Variants in RELN observed in about 807,000 individuals in gnomAD.
RELN encodes the protein reelin.
A neutral mutation model predicts 427.6 loss-of-function variants in RELN; 108 were observed. That is an observed-to-expected ratio of 0.25 (90% CI 0.22 to 0.30). The LOEUF is 0.30. RELN is among the 10% of genes least tolerant of loss of function. The pLI is 1.00. For synonymous variants in RELN, 1,524 were observed against 1,513.4 expected, an observed-to-expected ratio of 1.01 and a Z score of -0.16; for missense variants, 3,715 against 4,302.8, an observed-to-expected ratio of 0.86 and a Z score of 3.82.
chr7:103,679,005 G>C (rs1246297805), intron 11 of RELN, among the ~76,000 whole-genome samples: 2 of 152,128 alleles, frequency 1.3e-5, no homozygotes, highest in Non-Finnish European at 2.9e-5. Context: ...GTTTTTCTTT[G>C]TCAGCTCTTA....
At chr7:103,702,041 G>A (rs1834103314) in intron 8 of RELN, among the ~76,000 whole-genome samples, 1 of 152,174 alleles carries the variant, frequency 6.6e-6, no homozygotes, top group Admixed American at 6.5e-5. Context: ...AAGCCAAACA[G>A]CAGTTTTCCT....
chr7:103,585,459 C>T (rs1337279242), intron 28 of RELN, among the ~76,000 whole-genome samples: 1 of 152,006 alleles, frequency 6.6e-6, no homozygotes, highest in Non-Finnish European at 1.5e-5. Context: ...CTAGAGAAAA[C>T]GGATAAATTC....
chr7:103,670,622 G>A (rs909734475), intron 11 of RELN, among the ~76,000 whole-genome samples: 1 of 151,960 alleles, frequency 6.6e-6, no homozygotes, highest in African/African-American at 2.4e-5. Context: ...ATTAGCATGG[G>A]GGGGAAATTT....
chr7:103,948,875 C>T (rs539399096), intron 1 of RELN, among the ~76,000 whole-genome samples: 33 of 151,534 alleles, frequency 2.2e-4, no homozygotes, highest in African/African-American at 2.4e-4. Context: ...ATTAGCCAGG[C>T]GTGGTGGTGC....
chr7:103,970,052 C>T (rs767845902), intron 1 of RELN, among the ~76,000 whole-genome samples: 11 of 152,174 alleles, frequency 7.2e-5, no homozygotes, highest in South Asian at 2.1e-4. Flanking sequence ...TCTGAGTCAC[C>T]GGATACTCAA....
chr7:103,868,329 T>C (rs1054791790), intron 2 of RELN, among the ~76,000 whole-genome samples: 1 of 152,140 alleles, frequency 6.6e-6, no homozygotes, highest in East Asian at 1.9e-4. Flanking sequence ...CCAAACTCTA[T>C]GTCTGTGTTA....
intron 1 of RELN, among the ~76,000 whole-genome samples, chr7:103,932,201 C>T (rs1486009723): frequency 6.6e-6 from 1 of 152,176 alleles, no homozygotes; most frequent in African/African-American, 2.4e-5. Context: ...GAATACTACA[C>T]AGCCATAGAA....
At chr7:103,920,569 T>G (rs577873235) in intron 1 of RELN, among the ~76,000 whole-genome samples, 4 of 91,704 alleles carry the variant, frequency 4.4e-5, no homozygotes, top group East Asian at 7.1e-4. Flanking sequence ...AGTCTTTGGT[T>G]TTTTTTTTTG....
chr7:103,652,413 G>T (rs1012201659), intron 14 of RELN, 138 bp downstream of exon 14: 2 of 704,164 alleles, frequency 2.8e-6, no homozygotes, highest in African/African-American at 1.8e-5. Flanking sequence ...TTTTCATTTG[G>T]CAAAAGTGTG....
chr7:103,596,657 C>G lies in RELN; in HGVS notation c.3338G>C (p.Gly1113Ala). Reference protein sequence around the residue: ...SGSSLYFSKAGKRQLVSWDLD... With the variant: ...SGSSLYFSKAAKRQLVSWDLD... ...GTCCCAACTCACCAGCTGTCTTTTC[C>G]CAGCCTTTCAGAAAAGAAGAAAAAT... The change falls in exon 25 of 65, where the codon GGG becomes GCG. Residue 1113 changes from glycine (G) to alanine (A), a missense_variant. By Grantham distance (60) the Gly-to-Ala change is moderately conservative. Transcript: ENST00000428762. 1 of 1,613,712 alleles carries G rather than the reference C, an allele frequency of 6.2e-7. No homozygotes were observed. Among genetic ancestry groups the G allele is most frequent in the Non-Finnish European group, 8.5e-7 (1 of 1,179,702 alleles).
intron 4 of RELN, among the ~76,000 whole-genome samples, chr7:103,773,461 C>A (rs1201433482): frequency 7.0e-6 from 1 of 142,858 alleles, no homozygotes; most frequent in Non-Finnish European, 1.5e-5. Context: ...CTCCCTCCCT[C>A]TCTCTCTCTC....
chr7:103,664,136 C>A (rs1833204795), intron 11 of RELN, among the ~76,000 whole-genome samples: 1 of 152,170 alleles, frequency 6.6e-6, no homozygotes, highest in Non-Finnish European at 1.5e-5. Flanking sequence ...GACTCTGAAG[C>A]TAGTCAAACA....
At chr7:103,673,212 T>C (rs1270901643) in intron 11 of RELN, among the ~76,000 whole-genome samples, 1 of 152,144 alleles carries the variant, frequency 6.6e-6, no homozygotes, top group African/African-American at 2.4e-5. Flanking sequence ...TTTCCTGACA[T>C]TACTGAACTG....
intron 9 of RELN, among the ~76,000 whole-genome samples, chr7:103,700,344 T>A (rs1834063837): frequency 6.6e-6 from 1 of 152,156 alleles, no homozygotes; most frequent in African/African-American, 2.4e-5. Flanking sequence ...TCCTCAAGCA[T>A]CCTACCTTAT....
chr7:103,491,850 TCTCTCTCACACACACACACACACACA>T (rs747048111), intron 58 of RELN, 77 bp downstream of exon 58: 197 of 509,898 alleles, frequency 3.9e-4, no homozygotes, highest in East Asian at 1.6e-3. Flanking sequence ...TCTCTCTCTC[TCTCTCTCACACACACACACACACACA>T]CACACACACA....
At chr7:103,770,337 G>A (rs1429135840) in intron 4 of RELN, among the ~76,000 whole-genome samples, 2 of 152,150 alleles carry the variant, frequency 1.3e-5, no homozygotes, top group East Asian at 3.9e-4. Context: ...ACCCGTCTTG[G>A]CCTCCCAAAG....
chr7:103,821,768 T>G (rs904784789), intron 3 of RELN, among the ~76,000 whole-genome samples: 2 of 151,542 alleles, frequency 1.3e-5, no homozygotes, highest in Admixed American at 1.3e-4. Flanking sequence ...TTTGCTCCTT[T>G]GCAACTACAG....
intron 4 of RELN, among the ~76,000 whole-genome samples, chr7:103,774,175 TA>T (rs1288921608): frequency 6.6e-6 from 1 of 151,688 alleles, no homozygotes; most frequent in Non-Finnish European, 1.5e-5. Context: ...CACACACCTG[TA>T]ATCCCAGCTA....
rs1189571282 is a variant in RELN, at chr7:103,471,960, C to T, written c.*852G>A. The T allele has an allele frequency of 6.6e-6, 1 of 152,512 alleles. No individual in the cohort carries two copies. Among genetic ancestry groups the T allele is most frequent in the Non-Finnish European group, 1.5e-5 (1 of 68,028 alleles). The allele number at this position is 152,512 out of a possible 1,614,324, so 9.4% of individuals were successfully genotyped here. A position where few individuals can be genotyped will look rare whatever the true frequency, so the allele number is the denominator to read the frequency against. ...GAATATGACCCGCAGAAAAAACAAT[C>T]CACGAAGAAAACACAATGAAAAAAC... is the stretch of plus-strand genomic sequence containing the variant. On this transcript the variant is annotated 3_prime_UTR_variant, in exon 65 of 65. Transcript: ENST00000428762.
Sources: allele counts gnomAD v4.1 joint callset (sites outside exome capture counted in the v4.1 genomes callset), GRCh38; gene constraint gnomAD v4.1.1; transcripts MANE v1.5; gene names NCBI Gene and HGNC (gene_info 2026-07-23, HGNC 2026-07-21).